The following PPTC7 variants were observed in gnomAD, a reference collection of about 807,000 sequenced individuals.
The protein encoded by PPTC7 is protein phosphatase targeting COQ7.
Under a neutral mutation model 30.8 loss-of-function variants are expected in PPTC7, and 6 were observed. The ratio of observed to expected loss-of-function variants is 0.19; its 90% confidence interval spans 0.11 to 0.38. The LOEUF (loss-of-function observed/expected upper bound fraction) is 0.38, where lower values mean the gene tolerates loss of function less well. Among genes scored for constraint, PPTC7 ranks in the 10% least tolerant of loss-of-function variants. The pLI is 1.00. For missense variants in PPTC7, 218 were observed against 404.8 expected, an observed-to-expected ratio of 0.54 and a Z score of 3.96; for synonymous variants, 163 against 168.1, an observed-to-expected ratio of 0.97 and a Z score of 0.23.
intron 1 of PPTC7, among the ~76,000 whole-genome samples, chr12:110,553,483 G>A (rs2135774337): frequency 6.6e-6 from 1 of 152,124 alleles, no homozygotes; most frequent in East Asian, 2.0e-4. Context: ...CTTACATACT[G>A]AAATTGTATT....
At chr12:110,557,294 T>A (rs1199244022) in intron 1 of PPTC7, among the ~76,000 whole-genome samples, 1 of 152,168 alleles carries the variant, frequency 6.6e-6, no homozygotes, top group East Asian at 1.9e-4. Context: ...TGTTTTCTTT[T>A]AAGAGATGGG....
chr12:110,569,032 G>GCC (rs5800891), intron 1 of PPTC7, among the ~76,000 whole-genome samples: 32 of 119,888 alleles, frequency 2.7e-4, no homozygotes, highest in South Asian at 2.1e-3. Flanking sequence ...CCCTGTCCCC[G>GCC]CCCCCCCCCC....
At chr12:110,573,323 A>C (rs986539255) in intron 1 of PPTC7, among the ~76,000 whole-genome samples, 1 of 152,218 alleles carries the variant, frequency 6.6e-6, no homozygotes, top group South Asian at 2.1e-4. Flanking sequence ...AATTGGAAAC[A>C]ACCTAAATAA....
At chr12:110,563,917 G>C (rs2064459244) in intron 1 of PPTC7, among the ~76,000 whole-genome samples, 1 of 152,200 alleles carries the variant, frequency 6.6e-6, no homozygotes. Context: ...GGAAACAATT[G>C]TGTGAAGGCA....
At chr12:110,548,351 T>C (rs1298533503) in intron 2 of PPTC7, among the ~76,000 whole-genome samples, 1 of 152,216 alleles carries the variant, frequency 6.6e-6, no homozygotes, top group African/African-American at 2.4e-5. Flanking sequence ...AATATACATG[T>C]CTTTCTCATG....
chr12:110,581,663 T>C (rs1452134050), intron 1 of PPTC7, among the ~76,000 whole-genome samples: 2 of 152,238 alleles, frequency 1.3e-5, no homozygotes, highest in African/African-American at 2.4e-5. Context: ...TCCAGTCCCA[T>C]GTTCACAAAC....
chr12:110,579,869 C>T (rs532684090), intron 1 of PPTC7, among the ~76,000 whole-genome samples: 8 of 152,032 alleles, frequency 5.3e-5, no homozygotes, highest in East Asian at 3.9e-4. Context: ...AAAAATTAGC[C>T]GGGCGTGATG....
rs964968485 is a variant in PPTC7, at chr12:110,540,037, G to A, written c.603-92C>T. ...CAGGCACTATTTTACAATGTAATAA[G>A]CTTTCTGCAAGAAAAACTGATTTAT... On this transcript the variant is annotated intron_variant, in intron 3 of 5. Transcript: ENST00000354300. 3.5e-6 allele frequency: 4 copies of A among 1,138,404 alleles called. No individual in the cohort carries two copies. The African/African-American group carries it at 6.4e-5, about 18-fold the overall frequency. 70.5% of individuals were successfully genotyped at this position (1,138,404 alleles called of 1,614,324 possible). A position where few individuals can be genotyped will look rare whatever the true frequency, so the allele number is the denominator to read the frequency against.
At chr12:110,554,054 T>C (rs1035958319) in intron 1 of PPTC7, among the ~76,000 whole-genome samples, 2 of 152,180 alleles carry the variant, frequency 1.3e-5, no homozygotes, top group Non-Finnish European at 2.9e-5. Flanking sequence ...GGTTTTGCCA[T>C]GTTGGCCAGG....
chr12:110,582,108 A>G (rs2064642352), intron 1 of PPTC7, among the ~76,000 whole-genome samples: 1 of 152,180 alleles, frequency 6.6e-6, no homozygotes, highest in African/African-American at 2.4e-5. Context: ...GGCTGTGACC[A>G]ATCCTCAGAG....
chr12:110,543,015 C>A (rs1044809095), intron 3 of PPTC7, among the ~76,000 whole-genome samples: 2 of 152,260 alleles, frequency 1.3e-5, no homozygotes, highest in African/African-American at 4.8e-5. Context: ...TCTGATAATC[C>A]GCCTTAATCT....
rs372759304 is a variant in PPTC7, at chr12:110,545,871, G to C, written c.602+9C>G. 9.3e-6 allele frequency: 15 copies of C among 1,612,694 alleles called. 1 individual carries two copies. The highest frequency in any genetic ancestry group is 1.9e-4 in the Middle Eastern group (1 of 5,130). ...CTGCTCACACTTAATGGCTGAGAGG[G>C]GAGATTACCTGTCGCTCAAGACGAC... On this transcript the variant is annotated intron_variant, in intron 3 of 5. Coordinates refer to ENST00000354300, the MANE Select transcript of PPTC7 (RefSeq NM_139283.2).
At chr12:110,558,750 C>G (rs955082969) in intron 1 of PPTC7, among the ~76,000 whole-genome samples, 3 of 151,922 alleles carry the variant, frequency 2.0e-5, no homozygotes, top group Non-Finnish European at 2.9e-5. Context: ...CTCAGCCCCC[C>G]AAGTAGCTAC....
chr12:110,547,617 G>A (rs143106520), intron 2 of PPTC7, among the ~76,000 whole-genome samples: 7 of 152,046 alleles, frequency 4.6e-5, no homozygotes, highest in Non-Finnish European at 7.4e-5. Context: ...ACACCAAAAA[G>A]AGTAAAGTTT....
rs1207010690 is a variant in PPTC7 at position 110,583,138 on chromosome 12, T to C, written c.-107A>G. 9 of 816,148 alleles carry C rather than the reference T, an allele frequency of 1.1e-5. No homozygotes were observed. Among genetic ancestry groups the C allele is most frequent in the Non-Finnish European group, 1.4e-5 (9 of 625,138 alleles). The allele number at this position is 816,148 out of a possible 1,614,324, so 50.6% of individuals were successfully genotyped here. On this transcript the variant is annotated 5_prime_UTR_variant, in exon 1 of 6. Transcript: ENST00000354300. ...CGCAGTCGCGCCGCCGCTGGGGCGC[T>C]CCTCAGGGCGGCGCGCAGTGGCCGC...
rs2064182021 is a variant in PPTC7 at position 110,533,285 on chromosome 12, A to G, written c.*3752T>C. 1 of 152,224 alleles carries G rather than the reference A, an allele frequency of 6.6e-6. No individual in the cohort carries two copies. Among genetic ancestry groups the G allele is most frequent in the African/African-American group, 2.4e-5 (1 of 41,454 alleles). 9.4% of individuals were successfully genotyped at this position (152,224 alleles called of 1,614,324 possible). A position where few individuals can be genotyped will look rare whatever the true frequency, so the allele number is the denominator to read the frequency against. ...TATTTATTAAATATCTTTACAGTTT[A>G]TTTAAATGTATTTACAGAACTATTC... is the stretch of plus-strand genomic sequence containing the variant. On this transcript the variant is annotated 3_prime_UTR_variant, in exon 6 of 6. Coordinates refer to ENST00000354300, the MANE Select transcript of PPTC7 (RefSeq NM_139283.2).
chr12:110,537,161 A>T, intron 5 of PPTC7, 66 bp from the exon 6 acceptor site: 2 of 1,292,724 alleles, frequency 1.5e-6, no homozygotes, highest in Non-Finnish European at 2.2e-6. Context: ...ATGTGTACTT[A>T]AATTAAGTAC....
Position 110,539,749 on chromosome 12 carries a change from G to A in PPTC7, c.726+73C>T, listed in dbSNP as rs796312735. ...CTTTCCAAAACTACAAAGAGATAAT[G>A]CAACTGAATCCATAAAACTCAGCTA... On this transcript the variant is annotated intron_variant, in intron 4 of 5. Coordinates refer to ENST00000354300, the MANE Select transcript of PPTC7 (RefSeq NM_139283.2). The A allele has an allele frequency of 1.0e-5, 14 of 1,362,914 alleles. No individual in the cohort carries two copies. In the South Asian group the frequency reaches 1.8e-4, roughly 18 times the overall value. The allele number at this position is 1,362,914 out of a possible 1,614,324, so 84.4% of individuals were successfully genotyped here. A position where few individuals can be genotyped will look rare whatever the true frequency, so the allele number is the denominator to read the frequency against.
intron 1 of PPTC7, among the ~76,000 whole-genome samples, chr12:110,555,156 G>A (rs1189567573): frequency 6.6e-6 from 1 of 152,132 alleles, no homozygotes; most frequent in Non-Finnish European, 1.5e-5. Flanking sequence ...GGGGATGGCA[G>A]TTAACAAAAA....
Sources: allele counts gnomAD v4.1 joint callset (sites outside exome capture counted in the v4.1 genomes callset), GRCh38; gene constraint gnomAD v4.1.1; transcripts MANE v1.5; gene names NCBI Gene and HGNC (gene_info 2026-07-23, HGNC 2026-07-21).